The following CEP192 variants were observed in gnomAD, a reference collection of about 807,000 sequenced individuals.
CEP192 encodes centrosomal protein of 192 kDa.
A neutral mutation model predicts 271.8 loss-of-function variants in CEP192; 151 were observed. The ratio of observed to expected loss-of-function variants is 0.56; its 90% confidence interval spans 0.49 to 0.64. The LOEUF (loss-of-function observed/expected upper bound fraction) is 0.64. CEP192 is among the 30% of genes least tolerant of loss of function. The probability of loss-of-function intolerance (pLI) is 0.00; values close to 1 mark genes in which losing one functional copy is unlikely to be tolerated. For missense variants in CEP192, 2,910 were observed against 3,020.5 expected (o/e 0.96, Z 0.86); for synonymous variants, 995 against 1,076.5 (o/e 0.92, Z 1.48).
At chr18:13,095,438 A>G in intron 34 of CEP192, 65 bp from the exon 35 acceptor site, 1 of 1,261,302 alleles carries the variant, frequency 7.9e-7, no homozygotes, top group Non-Finnish European at 1.1e-6. Context: ...CTGGCCTTTT[A>G]TCATTTTTAA....
chr18:13,068,103 G>T lies in CEP192; in HGVS notation c.4624G>T (p.Ala1542Ser). Reference sequence around the variant, plus strand: ...TTGTATTTCTAAACAGAACGCTGTAGCCTGGCGCTGTTTCACGTTTTCCAA... The same window carrying T: ...TTGTATTTCTAAACAGAACGCTGTATCCTGGCGCTGTTTCACGTTTTCCAA... ...IRLIINANAV[A>S]WRCFTFSKES... Residue 1542 changes from alanine to serine, a missense_variant, in exon 23 of 45, where the codon GCC becomes TCC. Transcript: ENST00000506447. 1 of 1,614,186 alleles carries T rather than the reference G, an allele frequency of 6.2e-7. No homozygotes were observed.
chr18:12,998,971 A>G (rs939764032), intron 1 of CEP192, among the ~76,000 whole-genome samples: 1 of 152,142 alleles, frequency 6.6e-6, no homozygotes, highest in Non-Finnish European at 1.5e-5. Context: ...TCTTAACAAC[A>G]CTGAGATCCG....
At chr18:13,038,259 C>T (rs2036016866) in intron 12 of CEP192, 111 bp from the exon 13 acceptor site, 28 of 866,708 alleles carry the variant, frequency 3.2e-5, no homozygotes, top group East Asian at 8.3e-5. Flanking sequence ...TCTAGTTTTT[C>T]AAAATTACTT....
chr18:13,070,900 G>C, intron 27 of CEP192, 139 bp from the exon 28 acceptor site: 1 of 651,048 alleles, frequency 1.5e-6, no homozygotes, highest in Non-Finnish European at 2.7e-6. Context: ...TGTATTCTCT[G>C]CAGCACAAGC....
At chr18:13,059,868 C>T (rs2037314308) in intron 21 of CEP192, among the ~76,000 whole-genome samples, 1 of 152,146 alleles carries the variant, frequency 6.6e-6, no homozygotes, top group East Asian at 1.9e-4. Context: ...GAGGGTGTGG[C>T]TGCCTCTCGG....
intron 16 of CEP192, 39 bp downstream of exon 16, chr18:13,049,720 A>G (rs1343506664): frequency 4.4e-6 from 7 of 1,603,156 alleles, no homozygotes; most frequent in Non-Finnish European, 6.0e-6. Context: ...ATAAAATTAC[A>G]AAGTTTATTT....
At chr18:13,085,580 A>T (rs1598557716) in intron 30 of CEP192, among the ~76,000 whole-genome samples, 1 of 152,170 alleles carries the variant, frequency 6.6e-6, no homozygotes, top group Non-Finnish European at 1.5e-5. Context: ...TATAAGTTGT[A>T]AGGAAGGGCT....
chr18:13,011,404 C>A, intron 4 of CEP192, among the ~76,000 whole-genome samples: 1 of 152,122 alleles, frequency 6.6e-6, no homozygotes, highest in Non-Finnish European at 1.5e-5. Context: ...CTTTGGAAAG[C>A]AGTTTGACAG....
At chr18:13,120,844 T>C (rs968976117) in intron 44 of CEP192, among the ~76,000 whole-genome samples, 2 of 152,254 alleles carry the variant, frequency 1.3e-5, no homozygotes, top group Non-Finnish European at 2.9e-5. Context: ...AAGAAAATCA[T>C]GTGTATAAAG....
chr18:13,055,785 T>C lies in CEP192; in HGVS notation c.3195T>C (p.Asp1065=), dbSNP rs1245131852. The change falls in exon 19 of 45, where the codon GAT becomes GAC. Residue 1065 remains aspartate, a synonymous_variant. Coordinates refer to ENST00000506447, the MANE Select transcript of CEP192 (RefSeq NM_032142.4). ...ACAAATTTTGTTGCACTCAGAGTGA[T>C]ATCACCAGCGAGTTGAGTACCACAA... ...TDDALEDRKS[D]ITSELSTTII... 6.4e-7 allele frequency: 1 copy of C among 1,550,992 alleles called. No homozygotes were observed. Among genetic ancestry groups the C allele is most frequent in the Non-Finnish European group, 8.7e-7 (1 of 1,152,054 alleles).
chr18:13,013,642 G>A (rs1568279652), intron 5 of CEP192, among the ~76,000 whole-genome samples: 1 of 152,120 alleles, frequency 6.6e-6, no homozygotes, highest in African/African-American at 2.4e-5. Context: ...CGCAGATAGA[G>A]GAATGCAAGT....
At chr18:13,081,795 G>A (rs72636761) in intron 30 of CEP192, among the ~76,000 whole-genome samples, 20,873 of 152,158 alleles carry the variant, frequency 0.14, 1,571 homozygotes, top group East Asian at 0.31. Flanking sequence ...AGAGATTCTG[G>A]TACGTTGTGT....
chr18:13,050,950 T>G (rs530420193), intron 17 of CEP192, among the ~76,000 whole-genome samples: 48 of 152,350 alleles, frequency 3.2e-4, no homozygotes, highest in Non-Finnish European at 4.4e-5. Context: ...GGCTGTGACA[T>G]GGTGTAGTAT....
chr18:13,113,166 A>G (rs558587614), intron 40 of CEP192, among the ~76,000 whole-genome samples: 13 of 152,272 alleles, frequency 8.5e-5, no homozygotes, highest in Admixed American at 6.5e-4. Flanking sequence ...CACTGTTGTC[A>G]GTCCTCTACA....
At chr18:13,072,038 T>C (rs2038040987) in intron 28 of CEP192, among the ~76,000 whole-genome samples, 1 of 152,234 alleles carries the variant, frequency 6.6e-6, no homozygotes, top group Non-Finnish European at 1.5e-5. Flanking sequence ...TCATTGTACC[T>C]GTGGAAGGCT....
chr18:13,013,360 T>G (rs1047515578), intron 5 of CEP192, among the ~76,000 whole-genome samples: 2 of 152,184 alleles, frequency 1.3e-5, no homozygotes, highest in South Asian at 4.1e-4. Flanking sequence ...TTTCATTGTA[T>G]CCTGAGTGCC....
chr18:13,008,519 G>C lies in CEP192; in HGVS notation c.354G>C (p.Gln118His). Residue 118 changes from glutamine to histidine, a missense_variant, in exon 4 of 45, where the codon CAG becomes CAC. Physicochemically the swap from Gln to His is conservative, Grantham distance 24. Coordinates refer to ENST00000506447, the MANE Select transcript of CEP192 (RefSeq NM_032142.4). ...SQRLSNALSK[Q>H]SALQMETAGP... is the part of the protein sequence containing the mutation. ...GTTTGTCAAATGCTCTCAGCAAACAGTCAGCTTTACAAATGGAGACAGCAG... is the reference window on the plus strand; with the variant it reads ...GTTTGTCAAATGCTCTCAGCAAACACTCAGCTTTACAAATGGAGACAGCAG... 2 of 1,551,566 alleles carry C rather than the reference G, an allele frequency of 1.3e-6. No individual in the cohort carries two copies. The highest frequency in any genetic ancestry group is 2.4e-5 in the South Asian group (2 of 84,058).
At position 13,056,549 on chromosome 18, in the gene CEP192, C is replaced by T. The variant is rs1376423207; in HGVS notation, c.3959C>T (p.Ser1320Phe). 2.5e-6 allele frequency: 4 copies of T among 1,614,070 alleles called. No homozygotes were observed. The highest frequency in any genetic ancestry group is 3.4e-6 in the Non-Finnish European group (4 of 1,180,036). The change falls in exon 19 of 45, where the codon TCT becomes TTT. Residue 1320 changes from serine (S) to phenylalanine (F), a missense_variant. Coordinates refer to ENST00000506447, the MANE Select transcript of CEP192 (RefSeq NM_032142.4). ...VGICLGSNIG[S>F]GWMGTSSLCN... Reference sequence around the variant, plus strand: ...ATTTGTCTAGGATCAAATATCGGCTCTGGATGGATGGGTACCTCTTCCCTC... The same window carrying T: ...ATTTGTCTAGGATCAAATATCGGCTTTGGATGGATGGGTACCTCTTCCCTC...
At chr18:13,026,940 C>G (rs1008348144) in intron 9 of CEP192, among the ~76,000 whole-genome samples, 1 of 151,960 alleles carries the variant, frequency 6.6e-6, no homozygotes, top group Admixed American at 6.6e-5. Flanking sequence ...TTTAGTATGC[C>G]TTTTAATTTT....
Sources: gnomAD v4.1 joint callset for allele counts (sites outside exome capture counted in the v4.1 genomes callset) on GRCh38, gnomAD v4.1.1 for gene constraint, MANE v1.5 for transcripts, NCBI Gene and HGNC (gene_info 2026-07-23, HGNC 2026-07-21) for gene names.